The following CAMK4 variants were observed in gnomAD, a reference collection of about 807,000 sequenced individuals.
CAMK4 encodes calcium/calmodulin-dependent protein kinase type IV.
Under a neutral mutation model 44.9 loss-of-function variants are expected in CAMK4, and 22 were observed. The observed-to-expected ratio is 0.49, with a 90% CI of 0.35 to 0.70. The LOEUF (loss-of-function observed/expected upper bound fraction) is 0.70. Ranked by LOEUF, CAMK4 falls within the 30% of genes least tolerant of loss-of-function variation. CAMK4 has a pLI of 0.01. For missense variants in CAMK4, 498 were observed against 586.8 expected, an observed-to-expected ratio of 0.85 and a Z score of 1.56; for synonymous variants, 218 against 215.4, an observed-to-expected ratio of 1.01 and a Z score of -0.11.
chr5:111,374,662 G>C (rs306067), intron 2 of CAMK4, among the ~76,000 whole-genome samples, 188 bp from the exon 3 acceptor site: 140,978 of 152,174 alleles, frequency 0.93, 65,460 homozygotes, highest in East Asian at 1. Context: ...CTGGCTGTAT[G>C]TTACGTCAGA....
chr5:111,468,029 G>A (rs1462549401), intron 7 of CAMK4, among the ~76,000 whole-genome samples: 5 of 151,818 alleles, frequency 3.3e-5, no homozygotes, highest in African/African-American at 1.2e-4. Context: ...CAGCAACCTG[G>A]ATGGAGTTAG....
chr5:111,419,869 G>A (rs1215540668), intron 5 of CAMK4, among the ~76,000 whole-genome samples: 6 of 152,132 alleles, frequency 3.9e-5, no homozygotes, highest in East Asian at 3.9e-4. Flanking sequence ...GTTTGAAATC[G>A]GGTAGCGTGA....
At chr5:111,457,698 TTAAA>T (rs1162754259) in intron 7 of CAMK4, among the ~76,000 whole-genome samples, 2 of 152,144 alleles carry the variant, frequency 1.3e-5, no homozygotes, top group Non-Finnish European at 2.9e-5. Flanking sequence ...GTAGGAAAAT[TTAAA>T]TAAAAGAAAT....
At chr5:111,279,375 T>C (rs1750909515) in intron 1 of CAMK4, among the ~76,000 whole-genome samples, 1 of 152,130 alleles carries the variant, frequency 6.6e-6, no homozygotes, top group African/African-American at 2.4e-5. Context: ...CTTCTGCAGA[T>C]CTCAGCTGTC....
chr5:111,430,191 A>G (rs1389706487), intron 5 of CAMK4, among the ~76,000 whole-genome samples: 1 of 152,242 alleles, frequency 6.6e-6, no homozygotes, highest in Non-Finnish European at 1.5e-5. Context: ...GTGACATGTC[A>G]TATCAACAGA....
At chr5:111,401,953 C>G (rs1203029005) in intron 5 of CAMK4, among the ~76,000 whole-genome samples, 1 of 152,204 alleles carries the variant, frequency 6.6e-6, no homozygotes, top group Non-Finnish European at 1.5e-5. Context: ...GATGCTCCAG[C>G]CAGCCAGTGC....
chr5:111,483,658 T>C (rs1316504201), intron 10 of CAMK4, among the ~76,000 whole-genome samples: 1 of 152,206 alleles, frequency 6.6e-6, no homozygotes, highest in Non-Finnish European at 1.5e-5. Flanking sequence ...GGAACTCTTA[T>C]ATCCCCATGA....
chr5:111,482,002 A>G lies in CAMK4; in HGVS notation c.829-783A>G, dbSNP rs1755450665. ...TAGGGTCACAAAAGTGGCGAGTGGCATAACCAGGGCTTGAACACACTTCCT... is the reference window on the plus strand; with the variant it reads ...TAGGGTCACAAAAGTGGCGAGTGGCGTAACCAGGGCTTGAACACACTTCCT... On this transcript the variant is annotated intron_variant, in intron 9 of 10. Coordinates refer to ENST00000282356, the MANE Select transcript of CAMK4 (RefSeq NM_001744.6). The surrounding 1 kb of genome is among the most constrained non-coding windows in gnomAD (Gnocchi z 4.9). 6.6e-6 allele frequency: 1 copy of G among 152,220 alleles called. No individual in the cohort carries two copies. The highest frequency in any genetic ancestry group is 1.5e-5 in the Non-Finnish European group (1 of 68,064). The allele number at this position is 152,220 out of a possible 1,614,324, so 9.4% of individuals were successfully genotyped here.
Position 111,249,680 on chromosome 5 carries a change from G to A in CAMK4, c.161+25036G>A, listed in dbSNP as rs1452579344. ...TGTGTATATATATGTGTGTGTGTGT[G>A]TGTGTGTGTGTGTGTGTGTGTGTGT... On this transcript the variant is annotated intron_variant, in intron 1 of 10. Coordinates refer to ENST00000282356, the MANE Select transcript of CAMK4 (RefSeq NM_001744.6). Among the ~76,000 whole-genome samples the A allele has an allele frequency of 1.6e-4, 23 of 144,760 alleles. 1 individual carries two copies. The highest frequency in any genetic ancestry group is 4.2e-4 in the South Asian group (2 of 4,728). 95.0% of individuals were successfully genotyped at this position (144,760 alleles called of 152,430 possible).
intron 7 of CAMK4, among the ~76,000 whole-genome samples, chr5:111,466,048 T>C (rs943783352): frequency 6.6e-5 from 10 of 152,074 alleles, no homozygotes; most frequent in African/African-American, 1.7e-4. Flanking sequence ...GTTTAACATA[T>C]GCAAGTCAAT....
intron 1 of CAMK4, among the ~76,000 whole-genome samples, chr5:111,298,514 A>C (rs1214144376): frequency 6.6e-6 from 1 of 152,176 alleles, no homozygotes; most frequent in African/African-American, 2.4e-5. Context: ...GTGGACGTAG[A>C]GTGGAGATAG....
chr5:111,267,682 C>T (rs377505736), intron 1 of CAMK4, among the ~76,000 whole-genome samples: 16 of 118,962 alleles, frequency 1.3e-4, no homozygotes, highest in African/African-American at 4.6e-4. Context: ...CCCGCCTGGG[C>T]GACAGAACGA....
At chr5:111,349,469 A>G (rs555984282) in intron 2 of CAMK4, among the ~76,000 whole-genome samples, 2 of 151,964 alleles carry the variant, frequency 1.3e-5, no homozygotes, top group Non-Finnish European at 2.9e-5. Context: ...CCAGTGTTTT[A>G]TAAGATGTAA....
intron 1 of CAMK4, among the ~76,000 whole-genome samples, chr5:111,271,517 C>A (rs376658180): frequency 5.3e-5 from 8 of 151,736 alleles, no homozygotes; most frequent in African/African-American, 1.7e-4. Context: ...TGTCACTACT[C>A]AAAAAAAATA....
At chr5:111,447,401 C>G (rs939686330) in intron 6 of CAMK4, among the ~76,000 whole-genome samples, 1 of 152,098 alleles carries the variant, frequency 6.6e-6, no homozygotes, top group South Asian at 2.1e-4. Context: ...GTAGGACTTT[C>G]CAGAACCTTT....
At chr5:111,356,721 T>C (rs1750373185) in intron 2 of CAMK4, among the ~76,000 whole-genome samples, 1 of 152,190 alleles carries the variant, frequency 6.6e-6, no homozygotes, top group African/African-American at 2.4e-5. Flanking sequence ...TTTCTACATA[T>C]GGCTAGCCAG....
In CAMK4 at chr5:111,290,555, GA is replaced by G. The variant is rs1747196428; in HGVS notation, c.162-53467del. 6.6e-6 allele frequency among the ~76,000 whole-genome samples: 1 copy of G among 152,196 alleles called. No homozygotes were observed. Among genetic ancestry groups the G allele is most frequent in the Non-Finnish European group, 1.5e-5 (1 of 68,038 alleles). On this transcript the variant is annotated intron_variant, in intron 1 of 10. Coordinates refer to ENST00000282356, the MANE Select transcript of CAMK4 (RefSeq NM_001744.6). This position sits in a 1 kb window ranked among gnomAD's most constrained non-coding sequence, Gnocchi z 4.5. ...GAGAAGTCTTATAAACTGCTGCTCA[GA>G]ACCATCCATCAGAGGCCAGGATGCG... is the stretch of plus-strand genomic sequence containing the variant.
At chr5:111,437,770 G>GA (rs1753697608) in intron 5 of CAMK4, among the ~76,000 whole-genome samples, 1 of 152,126 alleles carries the variant, frequency 6.6e-6, no homozygotes, top group Non-Finnish European at 1.5e-5. Flanking sequence ...TCAGAGAACA[G>GA]AACAAGAGAG....
rs1384362027 is a variant in CAMK4, at chr5:111,493,327, C to T, written c.*8861C>T. The T allele has an allele frequency of 6.6e-6, 1 of 152,100 alleles. No homozygotes were observed. The allele number at this position is 152,100 out of a possible 1,614,324, so 9.4% of individuals were successfully genotyped here. Reference sequence around the variant, plus strand: ...CACTGAAAGCAAAAACTGAATTGGCCAGGTCTCCACTGACAAAACAGAGTA... The same window carrying T: ...CACTGAAAGCAAAAACTGAATTGGCTAGGTCTCCACTGACAAAACAGAGTA... On this transcript the variant is annotated 3_prime_UTR_variant, in exon 11 of 11. Transcript: ENST00000282356. The surrounding 1 kb of genome is among the most constrained non-coding windows in gnomAD (Gnocchi z 4.1).
Sources: allele counts gnomAD v4.1 joint callset (sites outside exome capture counted in the v4.1 genomes callset), GRCh38; gene constraint gnomAD v4.1.1; non-coding constraint Gnocchi (gnomAD v3.1); transcripts MANE v1.5; gene names NCBI Gene and HGNC (gene_info 2026-07-23, HGNC 2026-07-21).